MACROD1: variants seen among roughly 807,000 people sequenced by gnomAD.
The protein encoded by MACROD1 is mono-ADP ribosylhydrolase 1.
A neutral mutation model predicts 41.4 loss-of-function variants in MACROD1; 31 were observed. The ratio of observed to expected loss-of-function variants is 0.75; its 90% CI spans 0.56 to 1.01. The LOEUF (loss-of-function observed/expected upper bound fraction) is 1.01. Among genes scored for constraint, MACROD1 ranks in the 50% least tolerant of loss-of-function variants. The pLI is 0.00. For missense variants in MACROD1, 473 were observed against 460.0 expected (o/e 1.03, Z -0.26); for synonymous variants, 252 against 203.4 (o/e 1.24, Z -2.03).
chr11:64,158,322 G>A (rs1227228704), intron 1 of MACROD1, among the ~76,000 whole-genome samples: 1 of 152,228 alleles, frequency 6.6e-6, no homozygotes, highest in Non-Finnish European at 1.5e-5. Context: ...AGACAGGCCT[G>A]AGGGCCTGAG....
chr11:64,077,946 AT>A (rs903240677), intron 3 of MACROD1, among the ~76,000 whole-genome samples: 39 of 152,166 alleles, frequency 2.6e-4, no homozygotes, highest in Non-Finnish European at 5.3e-4. Flanking sequence ...CTAAGCCCTG[AT>A]GGGCCCGTGC....
chr11:64,074,705 G>T (rs897508425), intron 3 of MACROD1, among the ~76,000 whole-genome samples: 6 of 152,176 alleles, frequency 3.9e-5, no homozygotes, highest in African/African-American at 1.4e-4. Context: ...CCACCAAACT[G>T]CCCTGTGGGT....
At chr11:64,087,214 C>T (rs1189074695) in intron 3 of MACROD1, 1 of 152,286 alleles carries the variant, frequency 6.6e-6, no homozygotes, top group Non-Finnish European at 1.5e-5. Flanking sequence ...GGCAGAAGTG[C>T]ACCTGTGCAG....
intron 3 of MACROD1, among the ~76,000 whole-genome samples, chr11:64,115,234 G>A (rs1410494238): frequency 6.6e-6 from 1 of 152,144 alleles, no homozygotes; most frequent in Non-Finnish European, 1.5e-5. Context: ...ACTATGAACA[G>A]TAAAATAATA....
intron 1 of MACROD1, among the ~76,000 whole-genome samples, chr11:64,154,332 G>A (rs1310498788): frequency 6.6e-6 from 1 of 152,002 alleles, no homozygotes; most frequent in African/African-American, 2.4e-5. Context: ...CCCTGCACCA[G>A]GGGTCCCTCC....
At position 64,130,329 on chromosome 11, in the gene MACROD1, T is replaced by TGA. The variant is rs146297686; in HGVS notation, c.517+20908_517+20909dup. ...CAGGACTAAAAAGCTCCTGCTCAAA[T>TGA]GAGAGAGAGAGAGTGGGTGATACCT... On this transcript the variant is annotated intron_variant, in intron 3 of 10. Transcript: ENST00000255681. Among the ~76,000 whole-genome samples the TGA allele has an allele frequency of 2.8e-4, 42 of 152,022 alleles. No individual in the cohort carries two copies. In the East Asian group the frequency reaches 7.5e-3, roughly 27 times the overall value.
intron 3 of MACROD1, among the ~76,000 whole-genome samples, chr11:64,129,044 G>A (rs1026375299): frequency 3.9e-5 from 6 of 152,244 alleles, no homozygotes; most frequent in African/African-American, 1.4e-4. Flanking sequence ...CCCTCCCCAC[G>A]TGTGGCAGCG....
At chr11:64,035,213 C>G (rs1943349946) in intron 3 of MACROD1, among the ~76,000 whole-genome samples, 1 of 152,110 alleles carries the variant, frequency 6.6e-6, no homozygotes, top group South Asian at 2.1e-4. Flanking sequence ...GCATGGGACC[C>G]TGGCACTGCC....
chr11:63,998,757 G>T, intron 10 of MACROD1, 70 bp from the exon 11 acceptor site: 1 of 1,424,984 alleles, frequency 7.0e-7, no homozygotes, highest in South Asian at 1.5e-5. Flanking sequence ...GTGGTTTCCC[G>T]CCCTGCTTGG....
chr11:64,033,734 G>A lies in MACROD1; in HGVS notation c.518-18453C>T, dbSNP rs147806896. The stretch of plus-strand genomic sequence containing the variant: ...TGCATTCCTGTAGTTCCAGCTACTC[G>A]GGAGGCTGAGGCAGGAGAATTGCTT... On this transcript the variant is annotated intron_variant, in intron 3 of 10. Transcript: ENST00000255681. Among the ~76,000 whole-genome samples, 493 of 152,092 alleles carry A rather than the reference G, an allele frequency of 3.2e-3. 2 individuals carry two copies. The highest frequency in any genetic ancestry group is 0.01 in the African/African-American group (420 of 41,514).
At chr11:64,118,409 T>C in intron 3 of MACROD1, 1 of 1,291,528 alleles carries the variant, frequency 7.7e-7, no homozygotes, top group Non-Finnish European at 1.0e-6. Flanking sequence ...TGGGTGACTT[T>C]CCTCCGCAGA....
intron 3 of MACROD1, chr11:64,060,578 G>A: frequency 6.6e-6 from 1 of 152,348 alleles, no homozygotes. Context: ...GCTGGGCAGT[G>A]GCCTCCCATG....
At chr11:64,095,983 C>CG (rs1202715114) in intron 3 of MACROD1, among the ~76,000 whole-genome samples, 1 of 35,016 alleles carries the variant, frequency 2.9e-5, no homozygotes, top group African/African-American at 5.5e-5. Flanking sequence ...CCCCCACCCC[C>CG]CAGGGGCCCA....
At chr11:64,126,586 G>A (rs1055217986) in intron 3 of MACROD1, among the ~76,000 whole-genome samples, 2 of 152,038 alleles carry the variant, frequency 1.3e-5, no homozygotes, top group South Asian at 2.1e-4. Flanking sequence ...ATGTGGTGTC[G>A]TAAAGCATTC....
intron 3 of MACROD1, among the ~76,000 whole-genome samples, chr11:64,024,539 C>T (rs1943200493): frequency 6.6e-6 from 1 of 152,220 alleles, no homozygotes; most frequent in African/African-American, 2.4e-5. Context: ...GCTGCCTGGG[C>T]CTCCCCTCTC....
intron 3 of MACROD1, among the ~76,000 whole-genome samples, chr11:64,091,056 G>A (rs1944481200): frequency 2.0e-5 from 3 of 150,192 alleles, no homozygotes; most frequent in Admixed American, 2.0e-4. Flanking sequence ...AGGAGGAGGA[G>A]GGAAGAGAAG....
chr11:64,059,778 T>C (rs930585098), intron 3 of MACROD1, among the ~76,000 whole-genome samples: 39 of 152,174 alleles, frequency 2.6e-4, no homozygotes, highest in Non-Finnish European at 1.6e-4. Flanking sequence ...TTCCCTCTCC[T>C]GAGTTTCTCA....
At chr11:64,073,486 G>A (rs144544706) in intron 3 of MACROD1, among the ~76,000 whole-genome samples, 47 of 152,358 alleles carry the variant, frequency 3.1e-4, no homozygotes, top group African/African-American at 1.1e-3. Context: ...CATGAAACTG[G>A]AGGTTGGTGG....
At chr11:64,013,214 T>C (rs1446230868) in intron 4 of MACROD1, among the ~76,000 whole-genome samples, 2 of 152,062 alleles carry the variant, frequency 1.3e-5, no homozygotes, top group African/African-American at 2.4e-5. Flanking sequence ...GTAAGTAAAT[T>C]ATACAGCACA....
Sources: gnomAD v4.1 joint callset for allele counts (sites outside exome capture counted in the v4.1 genomes callset) on GRCh38, gnomAD v4.1.1 for gene constraint, MANE v1.5 for transcripts, NCBI Gene and HGNC (gene_info 2026-07-23, HGNC 2026-07-21) for gene names.